The following PI3 variants were observed in gnomAD, a reference collection of about 807,000 sequenced individuals.
PI3 encodes the protein elafin.
PI3 carries 4 observed loss-of-function variants against 6.0 expected under a neutral mutation model. That is an observed-to-expected ratio of 0.67 (90% CI 0.33 to 1.54). PI3 has a LOEUF of 1.54. Among genes scored for constraint, PI3 ranks in the 40% most tolerant of loss-of-function variants. The probability of loss-of-function intolerance (pLI) is 0.06; values close to 1 mark genes in which losing one functional copy is unlikely to be tolerated. For synonymous variants in PI3, 58 were observed against 56.9 expected, an observed-to-expected ratio of 1.02 and a Z score of -0.09; for missense variants, 149 against 147.6, an observed-to-expected ratio of 1.01 and a Z score of -0.05.
chr20:45,175,998 C>T lies in PI3; in HGVS notation c.217C>T (p.Pro73Ser), dbSNP rs1982784262. 2.5e-6 allele frequency: 4 copies of T among 1,614,080 alleles called. No individual in the cohort carries two copies. Among genetic ancestry groups the T allele is most frequent in the Non-Finnish European group, 3.4e-6 (4 of 1,180,026 alleles). The part of the protein sequence containing the change: ...EPVKGPVSTK[P>S]GSCPIILIRC... ...AGTCAAAGGTCCAGTCTCCACTAAG[C>T]CTGGCTCCTGCCCCATTATCTTGAT... The change falls in exon 2 of 3, where the codon CCT (proline) becomes TCT (serine). Residue 73 changes from proline (P) to serine (S), a missense_variant. Pro to Ser is a moderately conservative substitution (Grantham distance 74). Transcript: ENST00000243924.
intron 1 of PI3, among the ~76,000 whole-genome samples, chr20:45,175,268 C>A (rs1982767465): frequency 1.3e-5 from 2 of 152,142 alleles, no homozygotes; most frequent in African/African-American, 4.8e-5. Context: ...AATACCTGTG[C>A]AGAATGTGCA....
chr20:45,175,056 G>A, intron 1 of PI3, 55 bp downstream of exon 1: 1 of 1,406,922 alleles, frequency 7.1e-7, no homozygotes, highest in East Asian at 2.4e-5. Flanking sequence ...GACCCTCTGG[G>A]ACACCCTGGG....
Position 45,176,001 on chromosome 20 carries a change from G to A in PI3, c.220G>A (p.Gly74Ser), listed in dbSNP as rs1159835064. 3 of 1,614,046 alleles carry A rather than the reference G, an allele frequency of 1.9e-6. No homozygotes were observed. The African/African-American group carries it at 4.0e-5, about 22-fold the overall frequency. ...PVKGPVSTKP[G>S]SCPIILIRCA... ...CAAAGGTCCAGTCTCCACTAAGCCTGGCTCCTGCCCCATTATCTTGATCCG... is the reference window on the plus strand; with the variant it reads ...CAAAGGTCCAGTCTCCACTAAGCCTAGCTCCTGCCCCATTATCTTGATCCG... The change falls in exon 2 of 3, where the codon GGC becomes AGC. Residue 74 changes from glycine to serine, a missense_variant. Physicochemically the swap from Gly to Ser is moderately conservative, Grantham distance 56. Transcript: ENST00000243924.
chr20:45,175,909 G>T lies in PI3; in HGVS notation c.128G>T (p.Gly43Val). 6.2e-7 allele frequency: 1 copy of T among 1,614,094 alleles called. No individual in the cohort carries two copies. The highest frequency in any genetic ancestry group is 1.1e-5 in the South Asian group (1 of 91,078). Reference sequence around the variant, plus strand: ...GTCAAAGGCCGTGTTCCATTCAATGGACAAGATCCCGTTAAAGGACAAGTT... The same window carrying T: ...GTCAAAGGCCGTGTTCCATTCAATGTACAAGATCCCGTTAAAGGACAAGTT... The part of the protein sequence containing the change: ...DTVKGRVPFN[G>V]QDPVKGQVSV... The change falls in exon 2 of 3, where the codon GGA becomes GTA. Residue 43 changes from glycine to valine, a missense_variant. By Grantham distance (109) the Gly-to-Val change is moderately radical. Coordinates refer to ENST00000243924, the MANE Select transcript of PI3 (RefSeq NM_002638.4).
At position 45,174,922 on chromosome 20, in the gene PI3, C is replaced by T; in HGVS notation, c.-1C>T. The T allele has an allele frequency of 6.2e-7, 1 of 1,611,496 alleles. No individual in the cohort carries two copies. Among genetic ancestry groups the T allele is most frequent in the Non-Finnish European group, 8.5e-7 (1 of 1,178,422 alleles). On this transcript the variant is annotated 5_prime_UTR_variant, in exon 1 of 3. Coordinates refer to ENST00000243924, the MANE Select transcript of PI3 (RefSeq NM_002638.4). ...TCTTAGCCAAACACCTTCCTGACAC[C>T]ATGAGGGCCAGCAGCTTCTTGATCG...
In PI3 at chr20:45,175,793, G is replaced by A. The variant is rs1982777820; in HGVS notation, c.80-68G>A. The A allele has an allele frequency of 8.4e-6, 13 of 1,546,418 alleles. No homozygotes were observed. The East Asian group carries it at 9.0e-5, about 11-fold the overall frequency. The stretch of plus-strand genomic sequence containing the variant: ...AGCAGTGGATGGACCCAGACCCAGA[G>A]GAAAGACATGGCAGCTGAAGCAGAG... On this transcript the variant is annotated intron_variant, in intron 1 of 2. Transcript: ENST00000243924.
In PI3 at chr20:45,175,859, A is replaced by G. The variant is rs772921885; in HGVS notation, c.80-2A>G. On this transcript the variant is annotated splice_acceptor_variant, in intron 1 of 2. Coordinates refer to ENST00000243924, the MANE Select transcript of PI3 (RefSeq NM_002638.4). LOFTEE classifies it high-confidence loss of function. ...ATGTGGGCTCGTTTCTTCTTTTAAC[A>G]GTTCCTGTTAAAGGTCAAGACACTG... 2.5e-6 allele frequency: 4 copies of G among 1,613,824 alleles called. No homozygotes were observed. The highest frequency in any genetic ancestry group is 1.6e-4 in the Middle Eastern group (1 of 6,084).
In PI3 at chr20:45,175,899, C is replaced by G; in HGVS notation, c.118C>G (p.Pro40Ala). 1 of 1,614,056 alleles carries G rather than the reference C, an allele frequency of 6.2e-7. No individual in the cohort carries two copies. Among genetic ancestry groups the G allele is most frequent in the Non-Finnish European group, 8.5e-7 (1 of 1,179,948 alleles). The change falls in exon 2 of 3, where the codon CCA (proline) becomes GCA (alanine). Residue 40 changes from proline (P) to alanine (A), a missense_variant. Coordinates refer to ENST00000243924, the MANE Select transcript of PI3 (RefSeq NM_002638.4). ...KGQDTVKGRV[P>A]FNGQDPVKGQ... ...TCAAGACACTGTCAAAGGCCGTGTT[C>G]CATTCAATGGACAAGATCCCGTTAA...
rs559376608 is a variant in PI3 at position 45,175,961 on chromosome 20, A to G, written c.180A>G (p.Lys60=). Residue 60 remains lysine, a synonymous_variant, in exon 2 of 3, where the codon AAA becomes AAG. Transcript: ENST00000243924. ...CAGTTAAAGGTCAAGATAAAGTCAAAGCGCAAGAGCCAGTCAAAGGTCCAG... is the reference window on the plus strand; with the variant it reads ...CAGTTAAAGGTCAAGATAAAGTCAAGGCGCAAGAGCCAGTCAAAGGTCCAG... ...QVSVKGQDKV[K]AQEPVKGPVS... The G allele has an allele frequency of 5.6e-6, 9 of 1,614,214 alleles. No homozygotes were observed. The highest frequency in any genetic ancestry group is 6.8e-6 in the Non-Finnish European group (8 of 1,180,030).
chr20:45,176,064 G>A lies in PI3; in HGVS notation c.283G>A (p.Asp95Asn). The change falls in exon 2 of 3, where the codon GAT becomes AAT. Residue 95 changes from aspartate to asparagine, a missense_variant. Coordinates refer to ENST00000243924, the MANE Select transcript of PI3 (RefSeq NM_002638.4). Reference sequence around the variant, plus strand: ...GAATCCCCCTAACCGCTGCTTGAAAGATACTGACTGCCCAGGAATCAAGAA... The same window carrying A: ...GAATCCCCCTAACCGCTGCTTGAAAAATACTGACTGCCCAGGAATCAAGAA... ...MLNPPNRCLK[D>N]TDCPGIKKCC... is the part of the protein sequence containing the mutation. The A allele has an allele frequency of 6.2e-7, 1 of 1,614,166 alleles. No homozygotes were observed. Among genetic ancestry groups the A allele is most frequent in the Non-Finnish European group, 8.5e-7 (1 of 1,180,030 alleles).
intron 1 of PI3, 46 bp downstream of exon 1, chr20:45,175,047 A>AC: frequency 6.8e-7 from 1 of 1,461,686 alleles, no homozygotes; most frequent in Non-Finnish European, 9.5e-7. Context: ...CTAAGGGGAG[A>AC]CCCTCTGGGA....
Position 45,174,916 on chromosome 20 carries a change from T to G in PI3, c.-7T>G. The G allele has an allele frequency of 6.2e-7, 1 of 1,610,646 alleles. No homozygotes were observed. The highest frequency in any genetic ancestry group is 1.7e-4 in the Middle Eastern group (1 of 6,040). On this transcript the variant is annotated 5_prime_UTR_variant, in exon 1 of 3. Coordinates refer to ENST00000243924, the MANE Select transcript of PI3 (RefSeq NM_002638.4). ...CTTAGCTCTTAGCCAAACACCTTCC[T>G]GACACCATGAGGGCCAGCAGCTTCT...
chr20:45,176,047 C>T lies in PI3; in HGVS notation c.266C>T (p.Pro89Leu). The T allele has an allele frequency of 6.2e-7, 1 of 1,614,206 alleles. No individual in the cohort carries two copies. Among genetic ancestry groups the T allele is most frequent in the Non-Finnish European group, 8.5e-7 (1 of 1,180,030 alleles). ...ATCCGGTGCGCCATGTTGAATCCCC[C>T]TAACCGCTGCTTGAAAGATACTGAC... Reference protein sequence around the residue: ...ILIRCAMLNPPNRCLKDTDCP... With the variant: ...ILIRCAMLNPLNRCLKDTDCP... The change falls in exon 2 of 3, where the codon CCT becomes CTT. Residue 89 changes from proline (P) to leucine (L), a missense_variant. Coordinates refer to ENST00000243924, the MANE Select transcript of PI3 (RefSeq NM_002638.4).
chr20:45,176,222 G>A (rs777521408), intron 2 of PI3, 86 bp downstream of exon 2: 7 of 1,314,216 alleles, frequency 5.3e-6, no homozygotes, highest in Non-Finnish European at 7.5e-6. Flanking sequence ...TGGTGGGAGG[G>A]AGGTTGTGGG....
At chr20:45,175,476 A>G (rs1982771479) in intron 1 of PI3, among the ~76,000 whole-genome samples, 1 of 152,176 alleles carries the variant, frequency 6.6e-6, no homozygotes, top group Non-Finnish European at 1.5e-5. Context: ...GCAATTGCCA[A>G]GGTAATTCCC....
At position 45,174,940 on chromosome 20, in the gene PI3, C is replaced by T; in HGVS notation, c.18C>T (p.Phe6=). Residue 6 remains phenylalanine (F), a synonymous_variant, in exon 1 of 3, where the codon TTC becomes TTT. Transcript: ENST00000243924. MRASS[F]LIVVVFLIAG... Reference sequence around the variant, plus strand: ...CTGACACCATGAGGGCCAGCAGCTTCTTGATCGTGGTGGTGTTCCTCATCG... The same window carrying T: ...CTGACACCATGAGGGCCAGCAGCTTTTTGATCGTGGTGGTGTTCCTCATCG... The T allele has an allele frequency of 6.2e-7, 1 of 1,613,150 alleles. No individual in the cohort carries two copies. The highest frequency in any genetic ancestry group is 8.5e-7 in the Non-Finnish European group (1 of 1,179,380).
intron 1 of PI3, among the ~76,000 whole-genome samples, chr20:45,175,298 G>C (rs1426354112): frequency 2.6e-5 from 4 of 152,264 alleles, no homozygotes; most frequent in Admixed American, 1.3e-4. Flanking sequence ...TGAACTCCAG[G>C]ATTTTAAACC....
chr20:45,175,949 AG>A lies in PI3; in HGVS notation c.169del (p.Asp57IlefsTer24). 2 of 1,614,208 alleles carry A rather than the reference AG, an allele frequency of 1.2e-6. No homozygotes were observed. Among genetic ancestry groups the A allele is most frequent in the South Asian group, 2.2e-5 (2 of 91,082 alleles). On this transcript the variant is annotated frameshift_variant, in exon 2 of 3. Transcript: ENST00000243924. LOFTEE classifies it high-confidence loss of function. ...VKGQVSVKGQ[D>X]KVKAQEPVKG... ...AAGGACAAGTTTCAGTTAAAGGTCA[AG>A]ATAAAGTCAAAGCGCAAGAGCCAGT...
chr20:45,176,440 T>C lies in PI3; in HGVS notation c.*72T>C, dbSNP rs969544591. The C allele has an allele frequency of 7.2e-6, 3 of 413,848 alleles. No individual in the cohort carries two copies. The highest frequency in any genetic ancestry group is 1.3e-5 in the Non-Finnish European group (3 of 225,272). The allele number at this position is 413,848 out of a possible 1,614,324, so 25.6% of individuals were successfully genotyped here. On this transcript the variant is annotated 3_prime_UTR_variant, in exon 3 of 3. Coordinates refer to ENST00000243924, the MANE Select transcript of PI3 (RefSeq NM_002638.4). Reference sequence around the variant, plus strand: ...GCCCCATCTGGTCCTAAGTCCCTGCTGCCCTTCCCCTTCCCACACTGTCCA... The same window carrying C: ...GCCCCATCTGGTCCTAAGTCCCTGCCGCCCTTCCCCTTCCCACACTGTCCA...
Sources: allele counts gnomAD v4.1 joint callset (sites outside exome capture counted in the v4.1 genomes callset), GRCh38; gene constraint gnomAD v4.1.1; transcripts MANE v1.5; gene names NCBI Gene and HGNC (gene_info 2026-07-23, HGNC 2026-07-21).